TAFA2: variants seen among roughly 807,000 people sequenced by gnomAD.
TAFA2 encodes TAFA chemokine like family member 2.
In TAFA2, 7 loss-of-function variants were observed where a neutral mutation model predicts 18.8. The observed-to-expected ratio is 0.37, with a 90% CI of 0.21 to 0.70. TAFA2 has a LOEUF of 0.70. Among genes scored for constraint, TAFA2 ranks in the 30% least tolerant of loss-of-function variants. The pLI, the probability that TAFA2 is intolerant of heterozygous loss-of-function variation, is 0.53. For missense variants in TAFA2, 122 were observed against 158.1 expected, an observed-to-expected ratio of 0.77 and a Z score of 1.23; for synonymous variants, 60 against 54.2, an observed-to-expected ratio of 1.11 and a Z score of -0.47.
intron 2 of TAFA2, among the ~76,000 whole-genome samples, chr12:61,757,175 G>A (rs986108985): frequency 6.6e-6 from 1 of 152,056 alleles, no homozygotes; most frequent in Non-Finnish European, 1.5e-5. Flanking sequence ...AGAGGTGTAG[G>A]AGTCTCTGTG....
At chr12:61,827,250 A>T (rs1444484109) in intron 2 of TAFA2, 1 of 152,056 alleles carries the variant, frequency 6.6e-6, no homozygotes, top group Non-Finnish European at 1.5e-5. Context: ...TCACACTTGA[A>T]TTCTTGCAGC....
chr12:62,163,619 T>G (rs533676761), intron 1 of TAFA2, among the ~76,000 whole-genome samples: 1 of 152,244 alleles, frequency 6.6e-6, no homozygotes, highest in East Asian at 1.9e-4. Context: ...TTAAAGATGA[T>G]TTGTTGAAAC....
At chr12:61,989,771 A>G (rs919247187) in intron 1 of TAFA2, among the ~76,000 whole-genome samples, 6 of 152,196 alleles carry the variant, frequency 3.9e-5, no homozygotes, top group Non-Finnish European at 8.8e-5. Context: ...ATAGCCTGCT[A>G]AAATAAATAG....
intron 1 of TAFA2, among the ~76,000 whole-genome samples, chr12:62,204,450 C>T (rs1342128106): frequency 1.3e-5 from 2 of 151,580 alleles, no homozygotes; most frequent in Non-Finnish European, 2.9e-5. Flanking sequence ...CCCCTTGTCT[C>T]TTTCAGGTAG....
At chr12:62,255,387 T>C (rs1178491533) in intron 1 of TAFA2, 1 of 152,224 alleles carries the variant, frequency 6.6e-6, no homozygotes, top group African/African-American at 2.4e-5. Context: ...TGATTTTATC[T>C]ATATCACTCT....
intron 1 of TAFA2, among the ~76,000 whole-genome samples, chr12:62,048,091 A>G (rs144708669): frequency 5.0e-4 from 76 of 152,334 alleles, no homozygotes; most frequent in African/African-American, 1.8e-3. Flanking sequence ...TCTGAGTTGA[A>G]TAGTTTTGAT....
chr12:62,194,438 T>C (rs1359067380), upstream of TAFA2, among the ~76,000 whole-genome samples: 1 of 152,216 alleles, frequency 6.6e-6, no homozygotes, highest in Admixed American at 6.5e-5. Flanking sequence ...TTTGTATTGT[T>C]TAAGTGTGGG....
At chr12:61,999,716 T>G (rs998330265) in intron 1 of TAFA2, among the ~76,000 whole-genome samples, 3 of 152,246 alleles carry the variant, frequency 2.0e-5, no homozygotes, top group Non-Finnish European at 2.9e-5. Context: ...AAGGAGGCAT[T>G]GCATATCAGC....
At chr12:62,173,306 G>A (rs1000110039) in intron 1 of TAFA2, among the ~76,000 whole-genome samples, 3 of 152,020 alleles carry the variant, frequency 2.0e-5, no homozygotes, top group African/African-American at 4.8e-5. Context: ...CCAGCTACTC[G>A]GAGGCTGAGG....
intron 1 of TAFA2, among the ~76,000 whole-genome samples, chr12:62,055,174 A>G (rs1882156482): frequency 6.6e-6 from 1 of 152,170 alleles, no homozygotes; most frequent in Non-Finnish European, 1.5e-5. Flanking sequence ...GTCCCCCACC[A>G]TATACTGAAT....
chr12:61,817,705 C>A (rs1872142589), intron 2 of TAFA2, among the ~76,000 whole-genome samples: 2 of 152,060 alleles, frequency 1.3e-5, no homozygotes, highest in African/African-American at 4.8e-5. Flanking sequence ...CACAGAGCAG[C>A]CATAAAAAGG....
intron 2 of TAFA2, among the ~76,000 whole-genome samples, chr12:61,854,587 G>C (rs1873808519): frequency 6.6e-6 from 1 of 151,372 alleles, no homozygotes; most frequent in Admixed American, 6.6e-5. Flanking sequence ...AGAGAGGGAG[G>C]AGGGAAAAAG....
intron 1 of TAFA2, chr12:62,234,962 C>G (rs192068053): frequency 4.3e-6 from 3 of 701,390 alleles, no homozygotes; most frequent in Non-Finnish European, 8.0e-6. Context: ...AAGGCATGGT[C>G]GAGGCCAACA....
At chr12:61,984,366 C>T (rs949465507) in intron 1 of TAFA2, among the ~76,000 whole-genome samples, 1 of 152,176 alleles carries the variant, frequency 6.6e-6, no homozygotes, top group Non-Finnish European at 1.5e-5. Context: ...AGGAGAACCC[C>T]GGTCTTGTCA....
At chr12:62,061,924 G>T (rs1882359224) in intron 1 of TAFA2, among the ~76,000 whole-genome samples, 1 of 152,064 alleles carries the variant, frequency 6.6e-6, no homozygotes, top group South Asian at 2.1e-4. Context: ...TAAGAGCGGA[G>T]AAGACGCAGC....
chr12:62,255,426 T>C (rs187415886), intron 1 of TAFA2: 1 of 152,352 alleles, frequency 6.6e-6, no homozygotes, highest in Non-Finnish European at 1.5e-5. Context: ...TAACACTTTC[T>C]TGAAAGTTTC....
intron 1 of TAFA2, among the ~76,000 whole-genome samples, chr12:61,991,509 G>T (rs1040465654): frequency 2.0e-5 from 3 of 151,914 alleles, no homozygotes; most frequent in East Asian, 1.9e-4. Context: ...CTTTTAAATC[G>T]CTATATTTTC....
intron 1 of TAFA2, among the ~76,000 whole-genome samples, chr12:62,082,024 A>G (rs1404428429): frequency 1.3e-5 from 2 of 149,576 alleles, no homozygotes; most frequent in East Asian, 4.0e-4. Context: ...GCTCCCACTT[A>G]TAAGTGAGAA....
intron 1 of TAFA2, among the ~76,000 whole-genome samples, chr12:62,221,258 G>GAAGA (rs1404911741): frequency 2.7e-5 from 4 of 148,018 alleles, no homozygotes; most frequent in Admixed American, 2.0e-4. Context: ...AGGAAGGAAG[G>GAAGA]AAGGAAGTTT....
Sources: allele counts gnomAD v4.1 joint callset (sites outside exome capture counted in the v4.1 genomes callset), GRCh38; gene constraint gnomAD v4.1.1; transcripts MANE v1.5; gene names NCBI Gene and HGNC (gene_info 2026-07-23, HGNC 2026-07-21).